The following C9orf78 variants were observed in gnomAD, a reference collection of about 807,000 sequenced individuals.
The protein encoded by C9orf78 is splicing factor C9orf78.
C9orf78 carries 19 observed loss-of-function variants against 37.4 expected under a neutral mutation model. The ratio of observed to expected loss-of-function variants is 0.51; its 90% CI spans 0.35 to 0.74. The LOEUF is 0.74. Among genes scored for constraint, C9orf78 ranks in the 30% least tolerant of loss-of-function variants. The pLI, the probability that C9orf78 is intolerant of heterozygous loss-of-function variation, is 0.01. For missense variants in C9orf78, 291 were observed against 370.8 expected (o/e 0.78, Z 1.77); for synonymous variants, 130 against 128.0 (o/e 1.02, Z -0.10).
At chr9:129,834,384 G>A in intron 2 of C9orf78, 1 of 309,074 alleles carries the variant, frequency 3.2e-6, no homozygotes, top group Non-Finnish European at 5.9e-6. Context: ...AATTATGGGT[G>A]CTTTTTATCG....
chr9:129,833,009 G>A (rs2031543183), intron 4 of C9orf78, among the ~76,000 whole-genome samples: 1 of 143,038 alleles, frequency 7.0e-6, no homozygotes, highest in Non-Finnish European at 1.6e-5. Context: ...GTGTGTGTGT[G>A]TGTGTGTATA....
chr9:129,827,783 C>A lies in C9orf78; in HGVS notation c.*378G>T, dbSNP rs138570068. 3 of 112,570 alleles carry A rather than the reference C, an allele frequency of 2.7e-5. No homozygotes were observed. Among genetic ancestry groups the A allele is most frequent in the African/African-American group, 3.2e-5 (1 of 31,112 alleles). 7.0% of individuals were successfully genotyped at this position (112,570 alleles called of 1,614,324 possible). On this transcript the variant is annotated 3_prime_UTR_variant, in exon 9 of 9. Transcript: ENST00000372447. ...TGTCCTGGAAGCCATTTTTCTTTTT[C>A]TTTTTTTTTTTTTTTTTTTTTTTTG...
chr9:129,832,087 T>G, intron 4 of C9orf78, 114 bp from the exon 5 acceptor site: 2 of 583,926 alleles, frequency 3.4e-6, no homozygotes, highest in Admixed American at 3.0e-5. Flanking sequence ...TATTTACAGT[T>G]GGCAAAAAAA....
At chr9:129,834,804 G>T in intron 1 of C9orf78, 38 bp from the exon 2 acceptor site, 1 of 1,491,418 alleles carries the variant, frequency 6.7e-7, no homozygotes. Context: ...CATAAGCTGA[G>T]TGATTCCCCG....
chr9:129,832,020 T>C (rs2031512086), intron 4 of C9orf78, 47 bp from the exon 5 acceptor site: 3 of 862,250 alleles, frequency 3.5e-6, no homozygotes. Flanking sequence ...CACAACTCAA[T>C]GAGGCTGAGT....
chr9:129,830,093 C>G (rs960229130), intron 6 of C9orf78: 13 of 152,568 alleles, frequency 8.5e-5, no homozygotes, highest in African/African-American at 3.1e-4. Context: ...CAACAACCTG[C>G]CAGGGACAAT....
At chr9:129,833,009 GTGTGTGTATATGTGTATATACA>G (rs908886339) in intron 4 of C9orf78, among the ~76,000 whole-genome samples, 16 of 143,036 alleles carry the variant, frequency 1.1e-4, no homozygotes, top group South Asian at 2.3e-4. Context: ...GTGTGTGTGT[GTGTGTGTATATGTGTATATACA>G]TGTGTGTATA....
chr9:129,834,540 C>T (rs1358876130), intron 2 of C9orf78, 167 bp downstream of exon 2: 3 of 625,512 alleles, frequency 4.8e-6, no homozygotes, highest in Non-Finnish European at 8.5e-6. Flanking sequence ...CAGGGCATGT[C>T]CTGGTTAAAC....
At chr9:129,832,085 G>T in intron 4 of C9orf78, 112 bp from the exon 5 acceptor site, 5 of 577,754 alleles carry the variant, frequency 8.7e-6, no homozygotes, top group African/African-American at 3.9e-5. Flanking sequence ...CCTATTTACA[G>T]TTGGCAAAAA....
chr9:129,833,974 G>C (rs2031598348), intron 2 of C9orf78: 1 of 446,572 alleles, frequency 2.2e-6, no homozygotes, highest in Non-Finnish European at 4.0e-6. Flanking sequence ...TCTTGGCCTG[G>C]AAATCTCATT....
chr9:129,834,807 A>C, intron 1 of C9orf78, 41 bp from the exon 2 acceptor site: 1 of 1,482,650 alleles, frequency 6.7e-7, no homozygotes, highest in African/African-American at 1.4e-5. Flanking sequence ...AAGCTGAGTG[A>C]TTCCCCGCGG....
chr9:129,829,567 C>G (rs1168252144), intron 6 of C9orf78, 26 bp from the exon 7 acceptor site: 1 of 1,606,868 alleles, frequency 6.2e-7, no homozygotes, highest in East Asian at 2.2e-5. Context: ...AACCACACCA[C>G]TTAGAAGATG....
chr9:129,829,440 G>C lies in C9orf78; in HGVS notation c.644C>G (p.Thr215Ser), dbSNP rs2031433713. 6.2e-7 allele frequency: 1 copy of C among 1,614,040 alleles called. No homozygotes were observed. Among genetic ancestry groups the C allele is most frequent in the Admixed American group, 1.7e-5 (1 of 60,002 alleles). ...CTGCACATAATTCACAGCCATGTTG[G>C]TAGGCACGAAGGAGGTCTCGCTGTC... The part of the protein sequence containing the change: ...KKDSETSFVP[T>S]NMAVNYVQHN... The change falls in exon 7 of 9, where the codon ACC becomes AGC. Residue 215 changes from threonine (T) to serine (S), a missense_variant. Coordinates refer to ENST00000372447, the MANE Select transcript of C9orf78 (RefSeq NM_016520.3).
intron 1 of C9orf78, 45 bp downstream of exon 1, chr9:129,835,094 A>C (rs2031681477): frequency 7.0e-7 from 1 of 1,435,804 alleles, no homozygotes; most frequent in East Asian, 2.3e-5. Flanking sequence ...TCCCCCAAAC[A>C]AGTCTATCTT....
chr9:129,835,019 G>T, intron 1 of C9orf78, 120 bp downstream of exon 1: 1 of 872,312 alleles, frequency 1.1e-6, no homozygotes, highest in Non-Finnish European at 1.9e-6. Context: ...TTCTGCGTCC[G>T]CAGAAGGAAC....
intron 8 of C9orf78, chr9:129,828,549 G>A: frequency 3.9e-6 from 1 of 258,542 alleles, no homozygotes; most frequent in Non-Finnish European, 7.7e-6. Context: ...TCAGCCTCCT[G>A]AGTAGCTGGG....
chr9:129,828,882 C>T (rs1274820239), intron 8 of C9orf78: 3 of 411,318 alleles, frequency 7.3e-6, no homozygotes, highest in Non-Finnish European at 1.4e-5. Context: ...AAGTGTGAGG[C>T]ACTGCACCCA....
At chr9:129,829,160 A>T (rs752113900) in intron 8 of C9orf78, 45 bp downstream of exon 8, 1 of 1,391,362 alleles carries the variant, frequency 7.2e-7, no homozygotes, top group Non-Finnish European at 1.0e-6. Context: ...GGGTTCCCAC[A>T]TTGCTGAGCA....
chr9:129,833,790 T>G, intron 2 of C9orf78, 81 bp from the exon 3 acceptor site: 1 of 964,934 alleles, frequency 1.0e-6, no homozygotes. Flanking sequence ...CTCTCAGGTA[T>G]GCGGATTGCA....
Sources: allele counts gnomAD v4.1 joint callset (sites outside exome capture counted in the v4.1 genomes callset), GRCh38; gene constraint gnomAD v4.1.1; transcripts MANE v1.5; gene names NCBI Gene and HGNC (gene_info 2026-07-23, HGNC 2026-07-21).